The following SLC25A18 variants were observed in gnomAD, a reference collection of about 807,000 sequenced individuals.
The protein encoded by SLC25A18 is solute carrier family 25 member 18.
SLC25A18 carries 24 observed loss-of-function variants against 31.1 expected under a neutral mutation model. The ratio of observed to expected loss-of-function variants is 0.77; its 90% CI spans 0.56 to 1.08. SLC25A18 has a LOEUF of 1.08. Ranked by LOEUF, SLC25A18 falls within the 50% of genes least tolerant of loss-of-function variation. The probability of loss-of-function intolerance (pLI) is 0.00; values close to 1 mark genes in which losing one functional copy is unlikely to be tolerated. For missense variants in SLC25A18, 371 were observed against 418.5 expected (o/e 0.89, Z 0.99); for synonymous variants, 173 against 161.9 (o/e 1.07, Z -0.52).
chr22:17,582,754 G>T, intron 6 of SLC25A18, 101 bp downstream of exon 6: 1 of 1,036,530 alleles, frequency 9.6e-7, no homozygotes, highest in Non-Finnish European at 1.4e-6. Flanking sequence ...CTGCCTGCAT[G>T]CATATAAATA....
chr22:17,584,738 CCATTTGCACTCCAGCCTGGAGG>C (rs1384520625), intron 7 of SLC25A18, among the ~76,000 whole-genome samples: 1 of 132,604 alleles, frequency 7.5e-6, no homozygotes, highest in African/African-American at 3.0e-5. Flanking sequence ...TGAGATCACG[CCATTTGCACTCCAGCCTGGAGG>C]ACAAAAGCGA....
At chr22:17,587,747 A>G (rs2057592868) in intron 8 of SLC25A18, 178 bp from the exon 9 acceptor site, 4 of 697,512 alleles carry the variant, frequency 5.7e-6, no homozygotes, top group Non-Finnish European at 9.5e-6. Context: ...ACAGATGGCA[A>G]CAGCTCTTTT....
At chr22:17,583,387 C>T in intron 6 of SLC25A18, 29 bp from the exon 7 acceptor site, 1 of 1,613,326 alleles carries the variant, frequency 6.2e-7, no homozygotes, top group Non-Finnish European at 8.5e-7. Flanking sequence ...TGGCCTGCGG[C>T]TGAAGGAGCC....
downstream of SLC25A18, chr22:17,590,995 AC>A (rs1323212740): frequency 6.6e-6 from 1 of 152,202 alleles, no homozygotes; most frequent in Non-Finnish European, 1.5e-5. Context: ...ATAGAAGCAG[AC>A]CCCCGTCACT....
At chr22:17,569,867 C>T (rs1182267474) in intron 1 of SLC25A18, 57 bp from the exon 2 acceptor site, 1 of 985,418 alleles carries the variant, frequency 1.0e-6, no homozygotes, top group African/African-American at 1.7e-5. Flanking sequence ...GGAAACTGAC[C>T]ACAGAAGGGA....
At chr22:17,576,487 C>G (rs184926705) in intron 2 of SLC25A18, among the ~76,000 whole-genome samples, 73 of 152,334 alleles carry the variant, frequency 4.8e-4, no homozygotes, top group African/African-American at 1.8e-3. Flanking sequence ...AAATGGCATA[C>G]AGTAATCACT....
At chr22:17,582,444 C>T (rs1405779546) in intron 5 of SLC25A18, 119 bp from the exon 6 acceptor site, 7 of 670,260 alleles carry the variant, frequency 1.0e-5, no homozygotes, top group African/African-American at 3.7e-5. Context: ...TCAGGAGCCC[C>T]ACCTGGCCCC....
At chr22:17,568,579 T>TC (rs2057001280) in intron 1 of SLC25A18, among the ~76,000 whole-genome samples, 1 of 136,054 alleles carries the variant, frequency 7.4e-6, no homozygotes, top group South Asian at 2.5e-4. Flanking sequence ...TTTTTTTTTT[T>TC]TTGAGACAGT....
chr22:17,588,639 G>C (rs931884108), intron 9 of SLC25A18: 2 of 152,462 alleles, frequency 1.3e-5, no homozygotes, highest in Non-Finnish European at 2.9e-5. Flanking sequence ...GACAGCACAA[G>C]ACTTCATCTC....
At chr22:17,588,244 T>C (rs1468053251) in intron 9 of SLC25A18, 165 bp downstream of exon 9, 2 of 692,772 alleles carry the variant, frequency 2.9e-6, no homozygotes, top group Middle Eastern at 8.0e-4. Flanking sequence ...ACCTTCCTTC[T>C]GTTTCTCATC....
At chr22:17,569,657 T>A in intron 1 of SLC25A18, 1 of 985,404 alleles carries the variant, frequency 1.0e-6, no homozygotes, top group Non-Finnish European at 1.2e-6. Context: ...TGTTAAAATC[T>A]TTTCCCAGCC....
In SLC25A18 at chr22:17,579,880, G is replaced by T; in HGVS notation, c.-65G>T. ...AAGCTTCCACTTCTTCCCCCAGACA[G>T]CCCCAACAGCGGCTACCCCAAGGAG... On this transcript the variant is annotated 5_prime_UTR_variant, in exon 3 of 11. Transcript: ENST00000327451. 1 of 1,577,334 alleles carries T rather than the reference G, an allele frequency of 6.3e-7. No individual in the cohort carries two copies.
chr22:17,566,247 AC>A (rs1198018473), intron 1 of SLC25A18, among the ~76,000 whole-genome samples: 2 of 150,116 alleles, frequency 1.3e-5, no homozygotes, highest in South Asian at 4.3e-4. Flanking sequence ...CTCCTTACCT[AC>A]CCCCTGCTTC....
chr22:17,583,267 A>G (rs921668325), intron 6 of SLC25A18, 149 bp from the exon 7 acceptor site: 8 of 908,884 alleles, frequency 8.8e-6, no homozygotes, highest in African/African-American at 1.7e-5. Flanking sequence ...TACAGAGACC[A>G]CACCTAAGGG....
chr22:17,580,991 CCCCT>C (rs2057355780), intron 3 of SLC25A18, 42 bp from the exon 4 acceptor site: 6 of 1,508,326 alleles, frequency 4.0e-6, no homozygotes, highest in Non-Finnish European at 5.4e-6. Flanking sequence ...CCCTAACCTG[CCCCT>C]CCCTCTGCCT....
chr22:17,573,008 G>A (rs1485288273), intron 2 of SLC25A18, among the ~76,000 whole-genome samples: 1 of 152,118 alleles, frequency 6.6e-6, no homozygotes, highest in Non-Finnish European at 1.5e-5. Flanking sequence ...AACAACCCAG[G>A]AGGCTGAGGC....
chr22:17,564,857 C>CA lies in SLC25A18; in HGVS notation c.-264+1156dup, dbSNP rs695292. ...GGGGGACAGAGCAAGACTCTGTCTC[C>CA]AAAAAAAAAAAATCAGGCCCAGGCA... On this transcript the variant is annotated intron_variant, in intron 1 of 10. Transcript: ENST00000327451. 6.3e-4 allele frequency among the ~76,000 whole-genome samples: 71 copies of CA among 112,294 alleles called. 1 individual carries two copies. The highest frequency in any genetic ancestry group is 2.0e-3 in the East Asian group (8 of 4,018). The allele number at this position is 112,294 out of a possible 152,430, so 73.7% of individuals were successfully genotyped here. A position where few individuals can be genotyped will look rare whatever the true frequency, so the allele number is the denominator to read the frequency against.
At chr22:17,580,355 G>A (rs1357827474) in intron 3 of SLC25A18, 1 of 237,500 alleles carries the variant, frequency 4.2e-6, no homozygotes, top group Non-Finnish European at 7.2e-6. Context: ...AAAGTTGAGT[G>A]GGTTCCAAGG....
chr22:17,586,102 CAGG>C (rs2057542668), intron 7 of SLC25A18, among the ~76,000 whole-genome samples: 2 of 152,330 alleles, frequency 1.3e-5, no homozygotes, highest in South Asian at 4.1e-4. Flanking sequence ...GGAGGACGAG[CAGG>C]AGGAGGTGAC....
Sources: gnomAD v4.1 joint callset for allele counts (sites outside exome capture counted in the v4.1 genomes callset) on GRCh38, gnomAD v4.1.1 for gene constraint, MANE v1.5 for transcripts, NCBI Gene and HGNC (gene_info 2026-07-23, HGNC 2026-07-21) for gene names.